Variants in PRIMPOL observed in about 807,000 individuals in gnomAD.
PRIMPOL encodes the protein DNA-directed primase/polymerase protein.
PRIMPOL carries 54 observed loss-of-function variants against 63.6 expected under a neutral mutation model. The ratio of observed to expected loss-of-function variants is 0.85; its 90% CI spans 0.68 to 1.07. The LOEUF (loss-of-function observed/expected upper bound fraction) is 1.07. Ranked by LOEUF, PRIMPOL falls within the 50% of genes least tolerant of loss-of-function variation. PRIMPOL has a pLI of 0.00. For missense variants in PRIMPOL, 610 were observed against 648.3 expected (o/e 0.94, Z 0.64); for synonymous variants, 197 against 220.2 (o/e 0.89, Z 0.93).
At chr4:184,672,894 C>T (rs1353571801) in intron 7 of PRIMPOL, among the ~76,000 whole-genome samples, 2 of 152,168 alleles carry the variant, frequency 1.3e-5, no homozygotes, top group Non-Finnish European at 2.9e-5. Flanking sequence ...GGGCCCATTT[C>T]ATCAGCTTTC....
chr4:184,675,386 A>C (rs1395765258), intron 7 of PRIMPOL, among the ~76,000 whole-genome samples: 1 of 152,222 alleles, frequency 6.6e-6, no homozygotes. Flanking sequence ...CTAGCCATCT[A>C]CATATATTTT....
At chr4:184,674,899 A>G (rs1279910968) in intron 7 of PRIMPOL, among the ~76,000 whole-genome samples, 1 of 152,200 alleles carries the variant, frequency 6.6e-6, no homozygotes, top group Non-Finnish European at 1.5e-5. Context: ...CATGTCAAGC[A>G]ATTCAGCCTT....
chr4:184,688,247 C>T (rs1384456871), intron 11 of PRIMPOL, among the ~76,000 whole-genome samples: 1 of 152,156 alleles, frequency 6.6e-6, no homozygotes, highest in African/African-American at 2.4e-5. Flanking sequence ...AAATTGTTTT[C>T]CCAAATGGGT....
chr4:184,688,751 A>G (rs918907970), intron 11 of PRIMPOL, among the ~76,000 whole-genome samples: 2 of 152,202 alleles, frequency 1.3e-5, no homozygotes, highest in African/African-American at 4.8e-5. Context: ...ATGCAGTTCT[A>G]AAGTCAGAAA....
intron 8 of PRIMPOL, among the ~76,000 whole-genome samples, chr4:184,681,897 C>A (rs961757864): frequency 2.6e-5 from 4 of 152,114 alleles, no homozygotes; most frequent in African/African-American, 9.7e-5. Flanking sequence ...TTTTAAAAAA[C>A]ATACTTTTGA....
chr4:184,671,480 G>A (rs1054461664), intron 6 of PRIMPOL, among the ~76,000 whole-genome samples: 7 of 152,000 alleles, frequency 4.6e-5, no homozygotes, highest in East Asian at 1.9e-4. Flanking sequence ...TTAAGGGCAC[G>A]AGAGCCCTTC....
chr4:184,664,817 T>C (rs1033434368), intron 5 of PRIMPOL, among the ~76,000 whole-genome samples: 10 of 152,138 alleles, frequency 6.6e-5, no homozygotes, highest in Non-Finnish European at 1.0e-4. Context: ...AGAGGAAACA[T>C]GTCAAACTAA....
intron 8 of PRIMPOL, among the ~76,000 whole-genome samples, chr4:184,679,278 G>A (rs1306168201): frequency 6.6e-6 from 1 of 152,068 alleles, no homozygotes; most frequent in Non-Finnish European, 1.5e-5. Flanking sequence ...AGGTTCCCAT[G>A]TTTTGATCAT....
At chr4:184,656,577 A>G (rs999742831) in intron 2 of PRIMPOL, among the ~76,000 whole-genome samples, 1 of 152,228 alleles carries the variant, frequency 6.6e-6, no homozygotes, top group African/African-American at 2.4e-5. Flanking sequence ...AAGAGGAGAC[A>G]TGGACAGAAA....
chr4:184,682,203 T>C (rs1261361650), intron 8 of PRIMPOL, 45 bp from the exon 9 acceptor site: 1 of 999,384 alleles, frequency 1.0e-6, no homozygotes, highest in Non-Finnish European at 1.6e-6. Flanking sequence ...CCTTGTTAGT[T>C]CCAGTGTGAT....
At chr4:184,668,062 C>A (rs1319768705) in intron 6 of PRIMPOL, among the ~76,000 whole-genome samples, 1 of 152,172 alleles carries the variant, frequency 6.6e-6, no homozygotes, top group Non-Finnish European at 1.5e-5. Context: ...CCCACTCTAT[C>A]CTCACCCTTG....
chr4:184,694,522 G>A lies in PRIMPOL; in HGVS notation c.1426G>A (p.Glu476Lys), dbSNP rs763369542. 17 of 1,608,014 alleles carry A rather than the reference G, an allele frequency of 1.1e-5. No individual in the cohort carries two copies. The highest frequency in any genetic ancestry group is 1.4e-5 in the Non-Finnish European group (17 of 1,176,880). The change falls in exon 14 of 14, where the codon GAA (glutamate) becomes AAA (lysine). Residue 476 changes from glutamate (E) to lysine (K), a missense_variant and splice_region_variant. Coordinates refer to ENST00000314970, the MANE Select transcript of PRIMPOL (RefSeq NM_152683.4). ...CTATCCCTTCACCACTGAAATAAAG[G>A]AAGAAGAGTTTACAACAGATGAAGC... ...EVCLLFLFKE[E>K]EEFTTDEADE...
Position 184,694,657 on chromosome 4 carries a change from T to A in PRIMPOL, c.1561T>A (p.Tyr521Asn). Residue 521 changes from tyrosine to asparagine, a missense_variant, in exon 14 of 14, where the codon TAT becomes AAT. Tyr to Asn is a moderately radical substitution (Grantham distance 143). Transcript: ENST00000314970. ...AVWDNGIDDA[Y>N]FLEATEDAEL... is the part of the protein sequence containing the mutation. ...CTGGGATAATGGCATTGATGATGCT[T>A]ATTTTTTAGAAGCTACTGAAGATGC... The A allele has an allele frequency of 6.2e-7, 1 of 1,614,188 alleles. No homozygotes were observed. The highest frequency in any genetic ancestry group is 1.1e-5 in the South Asian group (1 of 91,086).
At chr4:184,661,720 CA>C in intron 4 of PRIMPOL, 53 bp from the exon 5 acceptor site, 1 of 1,215,346 alleles carries the variant, frequency 8.2e-7, no homozygotes, top group Non-Finnish European at 1.2e-6. Flanking sequence ...GTCAATCAAT[CA>C]ATCAATAAAG....
At chr4:184,651,679 A>C (rs1744541420) in intron 1 of PRIMPOL, among the ~76,000 whole-genome samples, 1 of 151,818 alleles carries the variant, frequency 6.6e-6, no homozygotes, top group African/African-American at 2.4e-5. Context: ...ACGGAGTTTC[A>C]CCCTTGTTGC....
Position 184,694,855 on chromosome 4 carries a change from C to A in PRIMPOL, c.*76C>A. On this transcript the variant is annotated 3_prime_UTR_variant, in exon 14 of 14. Coordinates refer to ENST00000314970, the MANE Select transcript of PRIMPOL (RefSeq NM_152683.4). ...TGTGAGATTTGATAAATATATCATT[C>A]AACCTGTTTATATAAACTAAGTTTT... 7.9e-7 allele frequency: 1 copy of A among 1,265,712 alleles called. No homozygotes were observed. Among genetic ancestry groups the A allele is most frequent in the Admixed American group, 2.1e-5 (1 of 47,080 alleles). The allele number at this position is 1,265,712 out of a possible 1,614,324, so 78.4% of individuals were successfully genotyped here.
intron 8 of PRIMPOL, among the ~76,000 whole-genome samples, chr4:184,680,145 T>C (rs1337619486): frequency 1.3e-5 from 2 of 152,118 alleles, no homozygotes; most frequent in Admixed American, 6.6e-5. Flanking sequence ...AGGTTCAGAC[T>C]AAATTACCAT....
At chr4:184,656,272 A>T (rs1189877983) in intron 2 of PRIMPOL, among the ~76,000 whole-genome samples, 1 of 152,080 alleles carries the variant, frequency 6.6e-6, no homozygotes, top group Non-Finnish European at 1.5e-5. Context: ...AAAACAAGTC[A>T]TATGGCCAAG....
At chr4:184,689,849 C>T (rs1344492009) in intron 11 of PRIMPOL, among the ~76,000 whole-genome samples, 2 of 152,164 alleles carry the variant, frequency 1.3e-5, no homozygotes. Context: ...ATGTGAACTG[C>T]AGGCAAGGAG....
Sources: gnomAD v4.1 joint callset for allele counts (sites outside exome capture counted in the v4.1 genomes callset) on GRCh38, gnomAD v4.1.1 for gene constraint, MANE v1.5 for transcripts, NCBI Gene and HGNC (gene_info 2026-07-23, HGNC 2026-07-21) for gene names.